Variants in IGSF10 observed in about 807,000 individuals in gnomAD.
The protein encoded by IGSF10 is calvaria mechanical force protein 608.
A neutral mutation model predicts 128.2 loss-of-function variants in IGSF10; 126 were observed. The observed-to-expected ratio is 0.98, with a 90% CI of 0.85 to 1.14. The LOEUF is 1.14. Ranked by LOEUF, IGSF10 falls within the 50% of genes most tolerant of loss-of-function variation. IGSF10 has a pLI of 0.00. For missense variants in IGSF10, 3,295 were observed against 3,149.8 expected, an observed-to-expected ratio of 1.05 and a Z score of -1.10; for synonymous variants, 1,185 against 1,146.2, an observed-to-expected ratio of 1.03 and a Z score of -0.68.
At chr3:151,530,085 T>C in the IGSF10 span, among the ~76,000 whole-genome samples, 54 of 151,698 alleles carry the variant, frequency 3.6e-4, no homozygotes, top group African/African-American at 1.1e-3. Context: ...AATAGCCGAA[T>C]TGATCAAGCA....
chr3:151,536,244 G>C, the IGSF10 span, among the ~76,000 whole-genome samples: 1 of 152,068 alleles, frequency 6.6e-6, no homozygotes, highest in African/African-American at 2.4e-5. Flanking sequence ...GGTCCCCTGG[G>C]ACAAGGTTGT....
chr3:151,497,301 G>A, the IGSF10 span, among the ~76,000 whole-genome samples: 7 of 152,108 alleles, frequency 4.6e-5, no homozygotes, highest in Non-Finnish European at 7.4e-5. Context: ...GGGTTTTTAT[G>A]GCTTTAGGTC....
chr3:151,543,633 G>A, the IGSF10 span, among the ~76,000 whole-genome samples: 1 of 152,104 alleles, frequency 6.6e-6, no homozygotes, highest in Non-Finnish European at 1.5e-5. Flanking sequence ...GCTGAGCCAA[G>A]CCCCTGTGCA....
chr3:151,616,238 A>G, the IGSF10 span, among the ~76,000 whole-genome samples: 2 of 152,122 alleles, frequency 1.3e-5, no homozygotes, highest in African/African-American at 4.8e-5. Flanking sequence ...AAGGCCTGGG[A>G]TTACAGGCAT....
At chr3:151,616,891 G>T in the IGSF10 span, among the ~76,000 whole-genome samples, 1 of 152,108 alleles carries the variant, frequency 6.6e-6, no homozygotes, top group Admixed American at 6.5e-5. Flanking sequence ...CAAGGTTGAG[G>T]GGTGGCATCT....
intron 4 of IGSF10, 80 bp downstream of exon 4, chr3:151,456,946 G>A: frequency 7.1e-7 from 1 of 1,404,828 alleles, no homozygotes; most frequent in Middle Eastern, 1.8e-4. Context: ...GTATTGTGTA[G>A]AGATAGGCAG....
At position 151,443,636 on chromosome 3, in the gene IGSF10, C is replaced by T. The variant is rs569698051; in HGVS notation, c.5311G>A (p.Gly1771Ser). The T allele has an allele frequency of 3.7e-6, 6 of 1,614,190 alleles. No homozygotes were observed. In the African/African-American group the frequency reaches 8.0e-5, roughly 22 times the overall value. ...CAGGTAACTGTAGGGCTTGGCCTACCTTCTGCTCTGCACTTCAGTTCCACA... is the reference window on the plus strand; with the variant it reads ...CAGGTAACTGTAGGGCTTGGCCTACTTTCTGCTCTGCACTTCAGTTCCACA... Reference protein sequence around the residue: ...STVELKCRAEGRPSPTVTWIL... With the variant: ...STVELKCRAESRPSPTVTWIL... The change falls in exon 7 of 8, where the codon GGT becomes AGT. Residue 1771 changes from glycine to serine, a missense_variant. Coordinates refer to ENST00000282466, the MANE Select transcript of IGSF10 (RefSeq NM_178822.5).
At chr3:151,595,964 C>A in the IGSF10 span, among the ~76,000 whole-genome samples, 1 of 151,426 alleles carries the variant, frequency 6.6e-6, no homozygotes, top group African/African-American at 2.4e-5. Context: ...GGTGCTCTTA[C>A]CACACACACA....
Position 151,445,307 on chromosome 3 carries a change from A to T in IGSF10, c.4674T>A (p.Val1558=), listed in dbSNP as rs760447726. Reference sequence around the variant, plus strand: ...GAGTTAATTTAGAATTCTGTGATTTAACTGTTGTTAGTGCTGGCATGGGAG... The same window carrying T: ...GAGTTAATTTAGAATTCTGTGATTTTACTGTTGTTAGTGCTGGCATGGGAG... ...HSTPMPALTT[V]KSQNSKLTPS... is the part of the protein sequence containing the mutation. The change falls in exon 6 of 8, where the codon GTT becomes GTA. Residue 1558 remains valine, a synonymous_variant. Coordinates refer to ENST00000282466, the MANE Select transcript of IGSF10 (RefSeq NM_178822.5). 6.2e-7 allele frequency: 1 copy of T among 1,614,208 alleles called. No individual in the cohort carries two copies. Among genetic ancestry groups the T allele is most frequent in the East Asian group, 2.2e-5 (1 of 44,886 alleles).
chr3:151,528,799 A>ATT, the IGSF10 span, among the ~76,000 whole-genome samples: 1 of 66,564 alleles, frequency 1.5e-5, no homozygotes, highest in Non-Finnish European at 3.0e-5. Flanking sequence ...TAGCTGCAGG[A>ATT]GTTTTTTTTT....
At chr3:151,440,870 G>T (rs1720813781) in intron 7 of IGSF10, 1 of 247,580 alleles carries the variant, frequency 4.0e-6, no homozygotes, top group Non-Finnish European at 8.5e-6. Context: ...AGCTGCATTA[G>T]AATTACATGG....
chr3:151,497,197 A>T, the IGSF10 span, among the ~76,000 whole-genome samples: 277 of 152,152 alleles, frequency 1.8e-3, 2 homozygotes, highest in African/African-American at 6.5e-3. Flanking sequence ...CCATTTGTCA[A>T]TTTTGGCTTT....
chr3:151,434,973 G>C (rs1719938249), downstream of IGSF10: 1 of 149,590 alleles, frequency 6.7e-6, no homozygotes, highest in South Asian at 2.1e-4. Flanking sequence ...GAGGAATGCT[G>C]TTTTACCCCT....
the IGSF10 span, among the ~76,000 whole-genome samples, chr3:151,469,137 A>G: frequency 5.3e-5 from 8 of 152,104 alleles, no homozygotes; most frequent in African/African-American, 1.4e-4. Flanking sequence ...TCATTCTATC[A>G]TTGTTGGGCA....
At position 151,448,967 on chromosome 3, in the gene IGSF10, T is replaced by G; in HGVS notation, c.1014A>C (p.Ser338=). ...ANMVCSIQKP[S]RTSPIAFTEE... ...CAGTGAATGCAATGGGTGATGTCCT[T>G]GAGGGCTTTTGAATACTGCAGACCA... The change falls in exon 6 of 8, where the codon TCA becomes TCC. Residue 338 remains serine, a synonymous_variant. Transcript: ENST00000282466. 6.2e-7 allele frequency: 1 copy of G among 1,614,228 alleles called. No homozygotes were observed. Among genetic ancestry groups the G allele is most frequent in the Non-Finnish European group, 8.5e-7 (1 of 1,180,040 alleles).
rs1389920736 is a variant in IGSF10, at chr3:151,436,563, C to T, written c.*126G>A. On this transcript the variant is annotated 3_prime_UTR_variant, in exon 8 of 8. Transcript: ENST00000282466. ...TTTATTTACAAGTCCTTTTATTTTGCATGTTCATTGTAAATTTAATACTGT... is the reference window on the plus strand; with the variant it reads ...TTTATTTACAAGTCCTTTTATTTTGTATGTTCATTGTAAATTTAATACTGT... 2 of 639,390 alleles carry T rather than the reference C, an allele frequency of 3.1e-6. No homozygotes were observed. Among genetic ancestry groups the T allele is most frequent in the Non-Finnish European group, 5.3e-6 (2 of 376,278 alleles). The allele number at this position is 639,390 out of a possible 1,614,324, so 39.6% of individuals were successfully genotyped here.
the IGSF10 span, among the ~76,000 whole-genome samples, chr3:151,492,113 T>G: frequency 6.6e-6 from 1 of 152,120 alleles, no homozygotes; most frequent in African/African-American, 2.4e-5. Flanking sequence ...ACATATATGA[T>G]AAAGAGTTAA....
chr3:151,500,169 A>G, the IGSF10 span, among the ~76,000 whole-genome samples: 1 of 152,164 alleles, frequency 6.6e-6, no homozygotes, highest in Non-Finnish European at 1.5e-5. Context: ...CTGGAAAGAA[A>G]TATGGCTGCA....
intron 5 of IGSF10, among the ~76,000 whole-genome samples, chr3:151,451,940 T>C (rs1339638479): frequency 6.6e-6 from 1 of 152,184 alleles, no homozygotes; most frequent in Non-Finnish European, 1.5e-5. Flanking sequence ...GAATAGAAGA[T>C]ACCCACAAGT....
Sources: gnomAD v4.1 joint callset for allele counts (sites outside exome capture counted in the v4.1 genomes callset) on GRCh38, gnomAD v4.1.1 for gene constraint, MANE v1.5 for transcripts, NCBI Gene and HGNC (gene_info 2026-07-23, HGNC 2026-07-21) for gene names.